The following GABBR2 variants were observed in gnomAD, a reference collection of about 807,000 sequenced individuals.
GABBR2 encodes the protein G-protein coupled receptor 51.
Under a neutral mutation model 105.6 loss-of-function variants are expected in GABBR2, and 23 were observed. The ratio of observed to expected loss-of-function variants is 0.22; its 90% CI spans 0.16 to 0.31. The LOEUF is 0.31. Among genes scored for constraint, GABBR2 ranks in the 10% least tolerant of loss-of-function variants. GABBR2 has a pLI of 1.00. For missense variants in GABBR2, 734 were observed against 1,245.5 expected (o/e 0.59, Z 6.18); for synonymous variants, 478 against 499.7 (o/e 0.96, Z 0.58).
chr9:98,438,182 TC>T (rs1564069140), intron 7 of GABBR2, among the ~76,000 whole-genome samples: 8 of 111,834 alleles, frequency 7.2e-5, no homozygotes, highest in Non-Finnish European at 1.5e-4. Flanking sequence ...TATCCATCCA[TC>T]CATCCATCCA....
chr9:98,565,129 G>A (rs1828733673), intron 2 of GABBR2, among the ~76,000 whole-genome samples: 1 of 152,132 alleles, frequency 6.6e-6, no homozygotes, highest in Non-Finnish European at 1.5e-5. Flanking sequence ...CCCTACCTGA[G>A]GTATGACTTT....
intron 1 of GABBR2, among the ~76,000 whole-genome samples, chr9:98,605,737 T>G (rs912249981): frequency 6.6e-6 from 1 of 152,206 alleles, no homozygotes; most frequent in Non-Finnish European, 1.5e-5. Context: ...TTTCTTCACC[T>G]GTAATTCGGG....
intron 7 of GABBR2, among the ~76,000 whole-genome samples, chr9:98,437,132 A>T (rs756234380): frequency 3.3e-5 from 5 of 152,202 alleles, no homozygotes; most frequent in Non-Finnish European, 7.3e-5. Context: ...AATGTGGCAA[A>T]CACTTTGTAG....
chr9:98,535,690 T>G (rs1828163266), intron 3 of GABBR2, among the ~76,000 whole-genome samples: 1 of 152,082 alleles, frequency 6.6e-6, no homozygotes, highest in African/African-American at 2.4e-5. Context: ...CTGTGTTAAT[T>G]CAGCACTAAA....
intron 1 of GABBR2, among the ~76,000 whole-genome samples, chr9:98,688,017 G>C (rs1409298660): frequency 6.6e-6 from 1 of 152,128 alleles, no homozygotes; most frequent in Non-Finnish European, 1.5e-5. Flanking sequence ...AGCCTGCCAG[G>C]GTAGTCTGAA....
rs1023156851 is a variant in GABBR2 at position 98,388,088 on chromosome 9, A to G, written c.1529+766T>C. On this transcript the variant is annotated intron_variant, in intron 10 of 18. Coordinates refer to ENST00000259455, the MANE Select transcript of GABBR2 (RefSeq NM_005458.8). The surrounding 1 kb of genome is among the most constrained non-coding windows in gnomAD (Gnocchi z 4.4). The stretch of plus-strand genomic sequence containing the variant: ...TTGGGGCTGGGTTCAGGGATTTGCT[A>G]TGGACACCAAAGAAGCAAAATGCAC... Among the ~76,000 whole-genome samples the G allele has an allele frequency of 1.3e-5, 2 of 152,300 alleles. No homozygotes were observed. The highest frequency in any genetic ancestry group is 3.9e-4 in the East Asian group (2 of 5,174).
chr9:98,638,307 G>T (rs991375596), intron 1 of GABBR2, among the ~76,000 whole-genome samples: 2 of 152,228 alleles, frequency 1.3e-5, no homozygotes, highest in South Asian at 4.1e-4. Flanking sequence ...AATCATCAGA[G>T]TTGTGAGCGT....
intron 1 of GABBR2, among the ~76,000 whole-genome samples, chr9:98,597,914 G>T (rs1829261218): frequency 6.6e-6 from 1 of 152,004 alleles, no homozygotes; most frequent in Non-Finnish European, 1.5e-5. Flanking sequence ...CTGCCTCCCG[G>T]GTTCAAGCCA....
chr9:98,508,301 AT>A (rs2131690723), intron 3 of GABBR2, among the ~76,000 whole-genome samples: 1 of 152,336 alleles, frequency 6.6e-6, no homozygotes, highest in African/African-American at 2.4e-5. Context: ...AGATGGCCGA[AT>A]AGGAACAGCT....
chr9:98,425,585 G>A (rs1461401185), intron 7 of GABBR2, among the ~76,000 whole-genome samples: 1 of 152,160 alleles, frequency 6.6e-6, no homozygotes, highest in East Asian at 1.9e-4. Flanking sequence ...GTGCCTAATT[G>A]GTCTCCACTG....
intron 13 of GABBR2, among the ~76,000 whole-genome samples, chr9:98,343,812 T>C (rs960033845): frequency 1.3e-5 from 2 of 151,786 alleles, no homozygotes; most frequent in Non-Finnish European, 2.9e-5. Context: ...GAGCCGAGAT[T>C]GCCCCACTGC....
At chr9:98,489,584 ATTTTATTATTTAGTG>A (rs1403942324) in intron 4 of GABBR2, among the ~76,000 whole-genome samples, 1 of 152,132 alleles carries the variant, frequency 6.6e-6, no homozygotes, top group Non-Finnish European at 1.5e-5. Flanking sequence ...AAATTCTCTA[ATTTTATTATTTAGTG>A]TTTTATTATT....
intron 1 of GABBR2, chr9:98,607,275 A>C (rs1829439887): frequency 4.9e-6 from 5 of 1,023,796 alleles, no homozygotes; most frequent in Non-Finnish European, 7.8e-6. Flanking sequence ...ATCGCATGTG[A>C]ACGGACGTCA....
intron 11 of GABBR2, among the ~76,000 whole-genome samples, chr9:98,376,247 G>A (rs1831871801): frequency 6.6e-6 from 1 of 152,182 alleles, no homozygotes; most frequent in Admixed American, 6.5e-5. Context: ...GAGGGTGAAG[G>A]GCTTTCACTG....
chr9:98,355,390 A>G (rs1270472600), intron 13 of GABBR2, among the ~76,000 whole-genome samples: 2 of 152,020 alleles, frequency 1.3e-5, no homozygotes, highest in Non-Finnish European at 2.9e-5. Flanking sequence ...AAAAATGTAA[A>G]ATCTGCAAAG....
At chr9:98,577,271 T>A (rs1828933284) in intron 2 of GABBR2, among the ~76,000 whole-genome samples, 1 of 37,698 alleles carries the variant, frequency 2.7e-5, no homozygotes, top group South Asian at 8.9e-4. Context: ...TCACCCCTGG[T>A]GGTCATATAG....
At chr9:98,580,842 T>A (rs1275173440) in intron 1 of GABBR2, among the ~76,000 whole-genome samples, 2 of 152,218 alleles carry the variant, frequency 1.3e-5, no homozygotes, top group Non-Finnish European at 2.9e-5. Flanking sequence ...TCCTCCTTGC[T>A]CTACACTTCC....
At chr9:98,290,819 T>G in intron 18 of GABBR2, 70 bp from the exon 19 acceptor site, 6 of 1,154,082 alleles carry the variant, frequency 5.2e-6, no homozygotes, top group Non-Finnish European at 7.0e-6. Context: ...TCCTTGGACT[T>G]GCTTTGGCTA....
intron 3 of GABBR2, among the ~76,000 whole-genome samples, chr9:98,541,112 A>G (rs1406728622): frequency 6.6e-6 from 1 of 152,240 alleles, no homozygotes; most frequent in Admixed American, 6.5e-5. Flanking sequence ...GTTACGATAT[A>G]CCCATCTGAC....
Sources: allele counts gnomAD v4.1 joint callset (sites outside exome capture counted in the v4.1 genomes callset), GRCh38; gene constraint gnomAD v4.1.1; non-coding constraint Gnocchi (gnomAD v3.1); transcripts MANE v1.5; gene names NCBI Gene and HGNC (gene_info 2026-07-23, HGNC 2026-07-21).